The following TPRA1 variants were observed in gnomAD, a reference collection of about 807,000 sequenced individuals.
TPRA1 encodes transmembrane protein adipocyte-associated 1.
In TPRA1, 28 loss-of-function variants were observed where a neutral mutation model predicts 40.1. The observed-to-expected ratio is 0.70, with a 90% CI of 0.52 to 0.96. TPRA1 has a LOEUF of 0.96. TPRA1 is among the 40% of genes least tolerant of loss of function. TPRA1 has a pLI of 0.00. For missense variants in TPRA1, 441 were observed against 482.6 expected, an observed-to-expected ratio of 0.91 and a Z score of 0.81; for synonymous variants, 219 against 209.7, an observed-to-expected ratio of 1.04 and a Z score of -0.38.
chr3:127,579,633 C>G, intron 3 of TPRA1, 107 bp downstream of exon 3: 5 of 1,280,978 alleles, frequency 3.9e-6, no homozygotes, highest in Non-Finnish European at 5.4e-6. Flanking sequence ...CATTTAACTG[C>G]CTGGATCCAG....
In TPRA1 at chr3:127,575,802, G is replaced by A; in HGVS notation, c.617C>T (p.Ser206Phe). The A allele has an allele frequency of 1.2e-6, 2 of 1,613,944 alleles. No individual in the cohort carries two copies. Among genetic ancestry groups the A allele is most frequent in the Middle Eastern group, 1.6e-4 (1 of 6,062 alleles). The change falls in exon 8 of 11, where the codon TCT becomes TTT. Residue 206 changes from serine (S) to phenylalanine (F), a missense_variant. Transcript: ENST00000355552. Reference protein sequence around the residue: ...VSSCFFFLVYSLVVILPKTPL... With the variant: ...VSSCFFFLVYFLVVILPKTPL... ...GGTCTTGGGAAGGATGACCACCAGA[G>A]AGTAGACCTACAGAGACAGGCAGGG...
At chr3:127,592,381 T>G (rs1038689573), upstream of TPRA1, among the ~76,000 whole-genome samples, 21 of 140,280 alleles carry the variant, frequency 1.5e-4, no homozygotes, top group East Asian at 1.0e-3. Context: ...TTTTTTTTTT[T>G]TTTTTTTTTT....
chr3:127,574,472 A>G (rs1182047374), intron 10 of TPRA1, among the ~76,000 whole-genome samples: 1 of 152,198 alleles, frequency 6.6e-6, no homozygotes, highest in Non-Finnish European at 1.5e-5. Flanking sequence ...GCTTCTGCAG[A>G]TGCACATGTG....
In TPRA1 at chr3:127,577,028, T is replaced by C; in HGVS notation, c.307A>G (p.Thr103Ala). The change falls in exon 4 of 11, where the codon ACG becomes GCG. Residue 103 changes from threonine to alanine, a missense_variant. Thr to Ala is a moderately conservative substitution (Grantham distance 58). Coordinates refer to ENST00000355552, the MANE Select transcript of TPRA1 (RefSeq NM_001136053.4). ...GTTGCAGCGTTCGAGGTGCTCACCG[T>C]CATGGATACCACGGCCCGGGCAATG... ...VGIARAVVSMTVSTSNAATVA... is the reference protein window; with the variant it reads ...VGIARAVVSMAVSTSNAATVA... 6.2e-7 allele frequency: 1 copy of C among 1,613,698 alleles called. No individual in the cohort carries two copies. Among genetic ancestry groups the C allele is most frequent in the Non-Finnish European group, 8.5e-7 (1 of 1,180,002 alleles).
chr3:127,579,994 A>G (rs984205442), intron 2 of TPRA1, 28 bp downstream of exon 2: 1 of 1,612,482 alleles, frequency 6.2e-7, no homozygotes, highest in Non-Finnish European at 8.5e-7. Context: ...ACACTCAGCG[A>G]GCCTGCCCAG....
chr3:127,582,617 G>T (rs544603909), intron 1 of TPRA1, among the ~76,000 whole-genome samples: 263 of 150,290 alleles, frequency 1.7e-3, no homozygotes, highest in African/African-American at 5.9e-3. Flanking sequence ...CAGGAGAATG[G>T]CTTGAACCCG....
chr3:127,581,372 C>T (rs1352331123), intron 1 of TPRA1, among the ~76,000 whole-genome samples: 3 of 152,152 alleles, frequency 2.0e-5, no homozygotes, highest in African/African-American at 4.8e-5. Context: ...ACAGGCAACA[C>T]GAATGACTCT....
chr3:127,589,300 T>C (rs1252806814), intron 1 of TPRA1, among the ~76,000 whole-genome samples: 5 of 152,048 alleles, frequency 3.3e-5, no homozygotes, highest in Admixed American at 3.3e-4. Context: ...CTCTCATCTG[T>C]GCAACAGGAT....
chr3:127,582,106 A>G (rs1417249441), intron 1 of TPRA1, among the ~76,000 whole-genome samples: 1 of 152,072 alleles, frequency 6.6e-6, no homozygotes, highest in Non-Finnish European at 1.5e-5. Context: ...AGCCCAAGAC[A>G]GGGGTGGGGG....
In TPRA1 at chr3:127,580,179, C is replaced by G; in HGVS notation, c.-17-16G>C. ...GCAGCCAGCCCTGGGGGAGTGAGAGCCGCCCAGTGAGCTGTGTGGCCTGGG... is the reference window on the plus strand; with the variant it reads ...GCAGCCAGCCCTGGGGGAGTGAGAGGCGCCCAGTGAGCTGTGTGGCCTGGG... On this transcript the variant is annotated splice_polypyrimidine_tract_variant and intron_variant, in intron 1 of 10. Transcript: ENST00000355552. The G allele has an allele frequency of 6.2e-7, 1 of 1,604,604 alleles. No homozygotes were observed. Among genetic ancestry groups the G allele is most frequent in the Non-Finnish European group, 8.5e-7 (1 of 1,178,218 alleles).
intron 7 of TPRA1, 53 bp from the exon 8 acceptor site, chr3:127,575,862 C>T (rs945788725): frequency 1.2e-6 from 2 of 1,611,818 alleles, no homozygotes; most frequent in African/African-American, 2.7e-5. Flanking sequence ...CCCAGACCCA[C>T]AGCCAGAAAC....
At chr3:127,584,363 G>A (rs1056463021) in intron 1 of TPRA1, among the ~76,000 whole-genome samples, 1 of 137,486 alleles carries the variant, frequency 7.3e-6, no homozygotes, top group Non-Finnish European at 1.5e-5. Flanking sequence ...GATCACTTGA[G>A]CCCAGGAGCT....
intron 1 of TPRA1, 187 bp from the exon 2 acceptor site, chr3:127,580,350 C>T: frequency 4.9e-6 from 3 of 609,336 alleles, no homozygotes; most frequent in Non-Finnish European, 8.4e-6. Flanking sequence ...CAGGCAGGGG[C>T]CCAGTCCCCC....
chr3:127,580,745 C>T (rs1176462674), intron 1 of TPRA1, among the ~76,000 whole-genome samples: 1 of 152,250 alleles, frequency 6.6e-6, no homozygotes, highest in Non-Finnish European at 1.5e-5. Context: ...AGCACCATGC[C>T]CTCCTCGGTT....
chr3:127,592,741 A>G (rs1450894298), upstream of TPRA1, among the ~76,000 whole-genome samples: 1 of 152,242 alleles, frequency 6.6e-6, no homozygotes, highest in Non-Finnish European at 1.5e-5. Context: ...CTAAAATGGC[A>G]TCAGCCCCAA....
At chr3:127,587,558 C>G (rs1413025322) in intron 1 of TPRA1, among the ~76,000 whole-genome samples, 1 of 152,100 alleles carries the variant, frequency 6.6e-6, no homozygotes, top group Non-Finnish European at 1.5e-5. Flanking sequence ...GAGTCACTCC[C>G]CCTCCAAGTA....
intron 1 of TPRA1, among the ~76,000 whole-genome samples, chr3:127,582,600 G>A (rs1458245598): frequency 6.6e-6 from 1 of 151,944 alleles, no homozygotes; most frequent in Non-Finnish European, 1.5e-5. Flanking sequence ...TACTTGGAAG[G>A]CTGAGGCAGG....
At chr3:127,593,612 C>A (rs2074213096), upstream of TPRA1, among the ~76,000 whole-genome samples, 1 of 152,084 alleles carries the variant, frequency 6.6e-6, no homozygotes, top group African/African-American at 2.4e-5. Flanking sequence ...ACATCACACA[C>A]CAGAGAAAAT....
At chr3:127,574,173 C>A (rs2073484915) in intron 10 of TPRA1, among the ~76,000 whole-genome samples, 1 of 152,246 alleles carries the variant, frequency 6.6e-6, no homozygotes, top group Non-Finnish European at 1.5e-5. Flanking sequence ...ACCACCCACT[C>A]CACTCTGACC....
Sources: allele counts gnomAD v4.1 joint callset (sites outside exome capture counted in the v4.1 genomes callset), GRCh38; gene constraint gnomAD v4.1.1; transcripts MANE v1.5; gene names NCBI Gene and HGNC (gene_info 2026-07-23, HGNC 2026-07-21).